Variants in APLP2 observed in about 807,000 individuals in gnomAD.
APLP2 encodes the protein amyloid beta precursor like protein 2.
A neutral mutation model predicts 89.9 loss-of-function variants in APLP2; 53 were observed. The ratio of observed to expected loss-of-function variants is 0.59; its 90% CI spans 0.47 to 0.74. The LOEUF (loss-of-function observed/expected upper bound fraction) is 0.74. APLP2 is among the 30% of genes least tolerant of loss of function. The pLI is 0.00. For synonymous variants in APLP2, 372 were observed against 348.6 expected, an observed-to-expected ratio of 1.07 and a Z score of -0.75; for missense variants, 973 against 975.9, an observed-to-expected ratio of 1.00 and a Z score of 0.04.
intron 3 of APLP2, among the ~76,000 whole-genome samples, chr11:130,111,441 T>C (rs1030322560): frequency 6.6e-6 from 1 of 152,204 alleles, no homozygotes; most frequent in African/African-American, 2.4e-5. Flanking sequence ...ACAGCATTAA[T>C]GTAGACATCC....
chr11:130,110,940 G>T (rs956711615), intron 3 of APLP2, among the ~76,000 whole-genome samples: 9 of 152,154 alleles, frequency 5.9e-5, no homozygotes, highest in Middle Eastern at 3.2e-3. Flanking sequence ...CCCTCACATT[G>T]TTTGATATCA....
Position 130,141,538 on chromosome 11 carries a change from A to G in APLP2, c.1964A>G (p.Asn655Ser), listed in dbSNP as rs572964863. 19 of 1,614,052 alleles carry G rather than the reference A, an allele frequency of 1.2e-5. No homozygotes were observed. The East Asian group carries it at 1.3e-4, about 11-fold the overall frequency. ...ETLDVKEMIFNAERVGGLEEE... is the reference protein window; with the variant it reads ...ETLDVKEMIFSAERVGGLEEE... Reference sequence around the variant, plus strand: ...CTGGATGTTAAGGAAATGATTTTCAATGCCGAGAGAGTTGGAGGCCTCGAG... The same window carrying G: ...CTGGATGTTAAGGAAATGATTTTCAGTGCCGAGAGAGTTGGAGGCCTCGAG... Residue 655 changes from asparagine (N) to serine (S), a missense_variant, in exon 15 of 17, where the codon AAT (asparagine) becomes AGT (serine). Asn to Ser is a conservative substitution (Grantham distance 46, BLOSUM62 1). Coordinates refer to ENST00000338167, the MANE Select transcript of APLP2 (RefSeq NM_001142276.2). The surrounding 1 kb of genome is among the most constrained non-coding windows in gnomAD (Gnocchi z 4.2).
At chr11:130,110,970 C>T (rs1021910111) in intron 3 of APLP2, among the ~76,000 whole-genome samples, 1 of 152,110 alleles carries the variant, frequency 6.6e-6, no homozygotes, top group Non-Finnish European at 1.5e-5. Flanking sequence ...GGTGATAGTG[C>T]TGAGTAGTAT....
rs1311973080 is a variant in APLP2 at position 130,133,677 on chromosome 11, T to C, written c.1633T>C (p.Ser545Pro). ...VIEERRNQSLSLLYKVPYVAQ... is the reference protein window; with the variant it reads ...VIEERRNQSLPLLYKVPYVAQ... ...TGAAGAAAGGAGGAACCAAAGCCTC[T>C]CTCTGCTCTACAAAGTACCTTATGT... The change falls in exon 12 of 17, where the codon TCT becomes CCT. Residue 545 changes from serine to proline, a missense_variant. By Grantham distance (74) the Ser-to-Pro change is moderately conservative. Transcript: ENST00000338167. 11 of 1,614,210 alleles carry C rather than the reference T, an allele frequency of 6.8e-6. No individual in the cohort carries two copies. The highest frequency in any genetic ancestry group is 2.2e-5 in the East Asian group (1 of 44,882).
At chr11:130,086,860 A>C (rs147610093) in intron 1 of APLP2, among the ~76,000 whole-genome samples, 1 of 152,220 alleles carries the variant, frequency 6.6e-6, no homozygotes, top group Non-Finnish European at 1.5e-5. Flanking sequence ...CTTTATGCCA[A>C]TATCACACTG....
intron 1 of APLP2, among the ~76,000 whole-genome samples, chr11:130,105,612 T>C (rs1386492457): frequency 6.6e-6 from 1 of 152,144 alleles, no homozygotes. Context: ...GGGACTCTTA[T>C]GGCTATAACC....
rs1010670260 is a variant in APLP2, at chr11:130,123,895, G to T, written c.1090+116G>T. The T allele has an allele frequency of 1.7e-6, 2 of 1,168,218 alleles. No individual in the cohort carries two copies. Among genetic ancestry groups the T allele is most frequent in the Non-Finnish European group, 2.4e-6 (2 of 816,974 alleles). 72.4% of individuals were successfully genotyped at this position (1,168,218 alleles called of 1,614,324 possible). A position where few individuals can be genotyped will look rare whatever the true frequency, so the allele number is the denominator to read the frequency against. ...GTCCCTGCCCACTCGGGTGTTTGCT[G>T]TCGGTCGTCTTCCCCTCATCTTTGT... On this transcript the variant is annotated intron_variant, in intron 7 of 16. Coordinates refer to ENST00000338167, the MANE Select transcript of APLP2 (RefSeq NM_001142276.2). The surrounding 1 kb of genome is among the most constrained non-coding windows in gnomAD (Gnocchi z 4.0).
At chr11:130,134,457 A>G (rs924944389) in intron 12 of APLP2, among the ~76,000 whole-genome samples, 4 of 152,190 alleles carry the variant, frequency 2.6e-5, no homozygotes, top group African/African-American at 7.2e-5. Context: ...AACATAGCAA[A>G]GGGGATGTGG....
rs941435562 is a variant in APLP2 at position 130,127,015 on chromosome 11, A to G, written c.1221+185A>G. ...ACTTCTTCACCACCTGCATCCAGAT[A>G]ATATATAATATAATTATCCTCTGAG... On this transcript the variant is annotated intron_variant, in intron 8 of 16. Coordinates refer to ENST00000338167, the MANE Select transcript of APLP2 (RefSeq NM_001142276.2). 2.6e-5 allele frequency among the ~76,000 whole-genome samples: 4 copies of G among 151,372 alleles called. No homozygotes were observed. In the East Asian group the frequency reaches 5.8e-4, roughly 22 times the overall value.
At chr11:130,090,244 TGTC>T (rs142796714) in intron 1 of APLP2, among the ~76,000 whole-genome samples, 6,761 of 144,394 alleles carry the variant, frequency 0.047, 160 homozygotes, top group Non-Finnish European at 0.061. Context: ...GTTCTAGCTC[TGTC>T]TTTTTTTTTT....
At chr11:130,127,712 G>A in intron 8 of APLP2, 54 bp from the exon 9 acceptor site, 2 of 1,426,146 alleles carry the variant, frequency 1.4e-6, no homozygotes, top group Non-Finnish European at 2.0e-6. Context: ...GCAAATGGAG[G>A]AGTTGTTTCG....
chr11:130,110,282 G>A (rs115944308), intron 2 of APLP2, among the ~76,000 whole-genome samples: 1,673 of 152,356 alleles, frequency 0.011, 35 homozygotes, highest in African/African-American at 0.039. Context: ...AAAGCGTGCT[G>A]CTTTTGTTTG....
intron 3 of APLP2, among the ~76,000 whole-genome samples, chr11:130,111,174 G>A (rs1948509585): frequency 6.6e-6 from 1 of 152,126 alleles, no homozygotes; most frequent in African/African-American, 2.4e-5. Flanking sequence ...GGCTGGTAGG[G>A]GTGTTCGTGA....
rs1377101486 is a variant in APLP2 at position 130,140,397 on chromosome 11, G to A, written c.1838-1G>A. 1 of 1,604,664 alleles carries A rather than the reference G, an allele frequency of 6.2e-7. No homozygotes were observed. Among genetic ancestry groups the A allele is most frequent in the Non-Finnish European group, 8.5e-7 (1 of 1,175,682 alleles). The stretch of plus-strand genomic sequence containing the variant: ...CTCAGCCATGATCTCTCTCCACACA[G>A]GATCTGGAGTGGGAGAGCAGGATGG... On this transcript the variant is annotated splice_acceptor_variant, in intron 13 of 16. Coordinates refer to ENST00000338167, the MANE Select transcript of APLP2 (RefSeq NM_001142276.2). LOFTEE classifies it high-confidence loss of function.
intron 3 of APLP2, among the ~76,000 whole-genome samples, chr11:130,111,054 C>T (rs1948491164): frequency 6.6e-6 from 1 of 152,112 alleles, no homozygotes; most frequent in Non-Finnish European, 1.5e-5. Flanking sequence ...CACCATTTGA[C>T]CAAATTTCTG....
At chr11:130,128,246 CTA>C (rs1337702830) in intron 9 of APLP2, among the ~76,000 whole-genome samples, 1 of 152,176 alleles carries the variant, frequency 6.6e-6, no homozygotes, top group Non-Finnish European at 1.5e-5. Context: ...TAGACTATAA[CTA>C]AAATCATAGC....
intron 1 of APLP2, among the ~76,000 whole-genome samples, chr11:130,088,336 G>C (rs1433740175): frequency 1.3e-5 from 2 of 152,162 alleles, no homozygotes; most frequent in Non-Finnish European, 2.9e-5. Flanking sequence ...AGGAAACAGA[G>C]TTTTCCAATA....
At chr11:130,106,923 G>A (rs575871006) in intron 1 of APLP2, among the ~76,000 whole-genome samples, 3 of 152,194 alleles carry the variant, frequency 2.0e-5, no homozygotes, top group South Asian at 2.1e-4. Context: ...TCTCGACCTC[G>A]TGATCTGCCT....
chr11:130,104,600 TA>T (rs1476884239), intron 1 of APLP2, among the ~76,000 whole-genome samples: 1 of 152,174 alleles, frequency 6.6e-6, no homozygotes, highest in African/African-American at 2.4e-5. Context: ...TTGTTTGAAT[TA>T]AGCACCACTA....
Sources: gnomAD v4.1 joint callset for allele counts (sites outside exome capture counted in the v4.1 genomes callset) on GRCh38, gnomAD v4.1.1 for gene constraint, Gnocchi (gnomAD v3.1) non-coding constraint, MANE v1.5 for transcripts, NCBI Gene and HGNC (gene_info 2026-07-23, HGNC 2026-07-21) for gene names.